Variants in NEGR1 observed in about 807,000 individuals in gnomAD.
NEGR1 encodes the protein IgLON family member 4.
In NEGR1, 10 loss-of-function variants were observed where a neutral mutation model predicts 40.9. That is an observed-to-expected ratio of 0.24 (90% CI 0.15 to 0.42). The LOEUF is 0.42. Among genes scored for constraint, NEGR1 ranks in the 10% least tolerant of loss-of-function variants. NEGR1 has a pLI of 1.00. For synonymous variants in NEGR1, 185 were observed against 166.8 expected (o/e 1.11, Z -0.84); for missense variants, 352 against 438.9 (o/e 0.80, Z 1.77).
At chr1:71,581,534 A>G (rs1372185248) in intron 6 of NEGR1, among the ~76,000 whole-genome samples, 2 of 152,176 alleles carry the variant, frequency 1.3e-5, no homozygotes, top group Non-Finnish European at 2.9e-5. Flanking sequence ...TCCATGTGGA[A>G]CATCATGCAT....
chr1:72,018,227 A>T lies in NEGR1; in HGVS notation c.177-82916T>A, dbSNP rs144214920. On this transcript the variant is annotated intron_variant, in intron 1 of 6. Transcript: ENST00000357731. ...ATGAATGAATATTTATTGAAAGACT[A>T]CTATGAGCCAGATATTTTCCTAAGG... is the stretch of plus-strand genomic sequence containing the variant. Among the ~76,000 whole-genome samples the T allele has an allele frequency of 6.3e-3, 959 of 152,296 alleles. 14 individuals are homozygous for T. The highest frequency in any genetic ancestry group is 0.022 in the African/African-American group (916 of 41,578).
chr1:72,181,760 A>G (rs11209933), intron 1 of NEGR1, among the ~76,000 whole-genome samples: 78,972 of 151,990 alleles, frequency 0.52, 21,251 homozygotes, highest in East Asian at 0.84. Context: ...CCCAGAGGAC[A>G]TTATGCTAAG....
At chr1:71,484,018 T>C (rs906355388) in intron 6 of NEGR1, among the ~76,000 whole-genome samples, 1 of 151,724 alleles carries the variant, frequency 6.6e-6, no homozygotes, top group Admixed American at 6.6e-5. Context: ...TTGAGGAGTA[T>C]AAATTTGAAA....
intron 1 of NEGR1, among the ~76,000 whole-genome samples, chr1:72,114,774 T>C (rs922786515): frequency 6.6e-6 from 1 of 151,812 alleles, no homozygotes; most frequent in Non-Finnish European, 1.5e-5. Flanking sequence ...CACCCTTTTA[T>C]CTAATTGATT....
chr1:71,417,079 C>T (rs555438190), intron 6 of NEGR1, among the ~76,000 whole-genome samples: 1 of 152,250 alleles, frequency 6.6e-6, no homozygotes, highest in East Asian at 1.9e-4. Context: ...ATGTAGCTTC[C>T]CTGAATTATT....
intron 6 of NEGR1, among the ~76,000 whole-genome samples, chr1:71,514,391 T>C (rs945631550): frequency 1.7e-4 from 16 of 93,332 alleles, no homozygotes; most frequent in African/African-American, 6.5e-4. Context: ...ACGGGCAGAC[T>C]GCCTCCTCAA....
Position 71,928,027 on chromosome 1 carries a change from TACAC to T in NEGR1, c.409+7048_409+7051del, listed in dbSNP as rs150454041. Among the ~76,000 whole-genome samples the T allele has an allele frequency of 9.6e-4, 74 of 77,456 alleles. 1 individual carries two copies. In the South Asian group the frequency reaches 0.017, roughly 18 times the overall value. The allele number at this position is 77,456 out of a possible 152,430, so 50.8% of individuals were successfully genotyped here. ...AAAAATAAATAAATAAATAAATAAA[TACAC>T]ACACACACACACACACACGTATATA... On this transcript the variant is annotated intron_variant, in intron 2 of 6. Coordinates refer to ENST00000357731, the MANE Select transcript of NEGR1 (RefSeq NM_173808.3).
chr1:71,905,112 T>A (rs1053259294), intron 2 of NEGR1, among the ~76,000 whole-genome samples: 1 of 152,106 alleles, frequency 6.6e-6, no homozygotes, highest in Non-Finnish European at 1.5e-5. Flanking sequence ...ATAAAGACAT[T>A]CAATCCACTG....
At chr1:72,009,810 T>G (rs1646640700) in intron 1 of NEGR1, among the ~76,000 whole-genome samples, 1 of 152,132 alleles carries the variant, frequency 6.6e-6, no homozygotes, top group Non-Finnish European at 1.5e-5. Context: ...ATATTATGGA[T>G]ATTTATGTTC....
chr1:71,486,794 T>C (rs943143083), intron 6 of NEGR1: 19 of 151,542 alleles, frequency 1.3e-4, no homozygotes, highest in Admixed American at 1.3e-3. Flanking sequence ...GAATAACAAG[T>C]CAATAAATGA....
intron 1 of NEGR1, among the ~76,000 whole-genome samples, chr1:72,263,151 ATAT>A (rs1655512443): frequency 6.6e-6 from 1 of 151,618 alleles, no homozygotes; most frequent in Non-Finnish European, 1.5e-5. Flanking sequence ...ATATACTTAA[ATAT>A]TATTAAAAAT....
chr1:72,264,448 T>A (rs529975382), intron 1 of NEGR1, among the ~76,000 whole-genome samples: 1 of 151,010 alleles, frequency 6.6e-6, no homozygotes, highest in African/African-American at 2.4e-5. Flanking sequence ...TACAATTATA[T>A]CTTGATGCTA....
rs185668687 is a variant in NEGR1, at chr1:72,134,713, G to T, written c.176+147606C>A. ...TCCCTCAGGCCAAGATGAAGTAAAA[G>T]ATATTTAATTTATTTATTTATTATT... On this transcript the variant is annotated intron_variant, in intron 1 of 6. Transcript: ENST00000357731. Among the ~76,000 whole-genome samples, 900 of 149,214 alleles carry T rather than the reference G, an allele frequency of 6.0e-3. 9 individuals are homozygous for T. Among genetic ancestry groups the T allele is most frequent in the African/African-American group, 0.021 (855 of 40,504 alleles).
intron 1 of NEGR1, among the ~76,000 whole-genome samples, chr1:72,149,898 A>AAAAAG (rs1651055741): frequency 6.7e-6 from 1 of 148,912 alleles, no homozygotes; most frequent in African/African-American, 2.5e-5. Flanking sequence ...AAAAAAAAAA[A>AAAAAG]AAAGAAAGAA....
At chr1:72,025,736 G>C (rs1220791193) in intron 1 of NEGR1, among the ~76,000 whole-genome samples, 1 of 152,176 alleles carries the variant, frequency 6.6e-6, no homozygotes, top group Non-Finnish European at 1.5e-5. Context: ...GCTGATGAGA[G>C]ACAGAGTAAT....
chr1:71,639,969 G>A (rs777049466), intron 4 of NEGR1, among the ~76,000 whole-genome samples: 3 of 151,954 alleles, frequency 2.0e-5, no homozygotes, highest in Admixed American at 6.6e-5. Flanking sequence ...TCCATGGATC[G>A]AAGCAGAACT....
chr1:71,871,052 G>C (rs1304758693), intron 2 of NEGR1, among the ~76,000 whole-genome samples: 2 of 152,158 alleles, frequency 1.3e-5, no homozygotes, highest in Non-Finnish European at 2.9e-5. Context: ...TCTATTGCAG[G>C]ATTACATTAA....
chr1:72,272,496 A>G (rs1655877450), intron 1 of NEGR1, among the ~76,000 whole-genome samples: 1 of 151,998 alleles, frequency 6.6e-6, no homozygotes, highest in Non-Finnish European at 1.5e-5. Context: ...ATACCCTTAT[A>G]TAACAGGATA....
Position 71,794,545 on chromosome 1 carries a change from A to G in NEGR1, c.410-18248T>C, listed in dbSNP as rs569341853. ...CTAGGCAATTGTCTACCCTGTGGGGAAAAAAAAACAATACAAATGAATTTG... is the reference window on the plus strand; with the variant it reads ...CTAGGCAATTGTCTACCCTGTGGGGGAAAAAAAACAATACAAATGAATTTG... On this transcript the variant is annotated intron_variant, in intron 2 of 6. Transcript: ENST00000357731. The G allele has an allele frequency of 9.2e-5, 14 of 151,408 alleles. No homozygotes were observed. The South Asian group carries it at 1.0e-3, about 11-fold the overall frequency. 9.4% of individuals were successfully genotyped at this position (151,408 alleles called of 1,614,324 possible). A position where few individuals can be genotyped will look rare whatever the true frequency, so the allele number is the denominator to read the frequency against.
Sources: allele counts gnomAD v4.1 joint callset (sites outside exome capture counted in the v4.1 genomes callset), GRCh38; gene constraint gnomAD v4.1.1; transcripts MANE v1.5; gene names NCBI Gene and HGNC (gene_info 2026-07-23, HGNC 2026-07-21).